The following TLK2 variants were observed in gnomAD, a reference collection of about 807,000 sequenced individuals.
TLK2 encodes the protein tousled like kinase 2.
Under a neutral mutation model 117.3 loss-of-function variants are expected in TLK2, and 6 were observed. The observed-to-expected ratio is 0.05, with a 90% CI of 0.03 to 0.10. TLK2 has a LOEUF of 0.10. Among genes scored for constraint, TLK2 ranks in the 10% least tolerant of loss-of-function variants. The pLI is 1.00. For synonymous variants in TLK2, 257 were observed against 316.7 expected (o/e 0.81, Z 2.00); for missense variants, 299 against 901.2 (o/e 0.33, Z 8.56).
chr17:62,483,337 T>G (rs1400193882), intron 2 of TLK2, among the ~76,000 whole-genome samples: 2 of 152,178 alleles, frequency 1.3e-5, no homozygotes, highest in Non-Finnish European at 2.9e-5. Flanking sequence ...AGGGCATAAG[T>G]GATAAGAATG....
chr17:62,594,919 G>A (rs978976367), intron 16 of TLK2, among the ~76,000 whole-genome samples: 14 of 152,176 alleles, frequency 9.2e-5, no homozygotes, highest in African/African-American at 2.9e-4. Context: ...CACACAGATA[G>A]GGGAAGAACA....
At chr17:62,517,198 C>T (rs538824716) in intron 2 of TLK2, among the ~76,000 whole-genome samples, 1 of 152,098 alleles carries the variant, frequency 6.6e-6, no homozygotes, top group Non-Finnish European at 1.5e-5. Flanking sequence ...AGCCACCATG[C>T]CAGCCTCCAG....
At chr17:62,506,341 G>T (rs1287743498) in intron 2 of TLK2, among the ~76,000 whole-genome samples, 1 of 152,094 alleles carries the variant, frequency 6.6e-6, no homozygotes, top group African/African-American at 2.4e-5. Context: ...TAACTTCTGG[G>T]CCTTGAAGGA....
rs10680028 is a variant in TLK2 at position 62,607,012 on chromosome 17, C to CTTTTTTTT, written c.1971+782_1971+789dup. ...CCTTCCTCTTTAGCTTCTCCTTGGT[C>CTTTTTTTT]TTTTTTTTTTTTTTTTTTCTATCTC... On this transcript the variant is annotated intron_variant, in intron 20 of 21. Transcript: ENST00000346027. Among the ~76,000 whole-genome samples, 18 of 123,544 alleles carry CTTTTTTTT rather than the reference C, an allele frequency of 1.5e-4. 2 individuals are homozygous for CTTTTTTTT. Among genetic ancestry groups the CTTTTTTTT allele is most frequent in the Non-Finnish European group, 1.3e-4 (8 of 61,130 alleles). The allele number at this position is 123,544 out of a possible 152,430, so 81.0% of individuals were successfully genotyped here. A position where few individuals can be genotyped will look rare whatever the true frequency, so the allele number is the denominator to read the frequency against.
rs1326102517 is a variant in TLK2 at position 62,615,340 on chromosome 17, C to G, written c.*2775C>G. On this transcript the variant is annotated 3_prime_UTR_variant, in exon 22 of 22. Coordinates refer to ENST00000346027, the MANE Select transcript of TLK2 (RefSeq NM_006852.6). ...GGGTTTCACTTTTTCCAAGAATAGT[C>G]CCTTGTTGCCACAATGTTGATTTAC... The G allele has an allele frequency of 6.6e-6, 1 of 152,178 alleles. No individual in the cohort carries two copies. Among genetic ancestry groups the G allele is most frequent in the African/African-American group, 2.4e-5 (1 of 41,436 alleles). 9.4% of individuals were successfully genotyped at this position (152,178 alleles called of 1,614,324 possible).
intron 2 of TLK2, among the ~76,000 whole-genome samples, chr17:62,485,072 T>C (rs1294681544): frequency 6.6e-6 from 1 of 152,156 alleles, no homozygotes; most frequent in Admixed American, 6.6e-5. Context: ...ACTGTGTTGA[T>C]GACAGCTTTG....
intron 6 of TLK2, among the ~76,000 whole-genome samples, chr17:62,529,072 GTATTTT>G (rs1282990450): frequency 6.6e-6 from 1 of 152,066 alleles, no homozygotes; most frequent in Non-Finnish European, 1.5e-5. Flanking sequence ...TAAATCTTAG[GTATTTT>G]TATTTTTGGC....
chr17:62,540,870 C>G (rs1445628928), intron 7 of TLK2, among the ~76,000 whole-genome samples: 1 of 152,162 alleles, frequency 6.6e-6, no homozygotes, highest in Non-Finnish European at 1.5e-5. Flanking sequence ...ATGCCACTCC[C>G]CTGTCGAAAA....
At chr17:62,492,457 G>T (rs2073199468) in intron 2 of TLK2, among the ~76,000 whole-genome samples, 1 of 144,782 alleles carries the variant, frequency 6.9e-6, no homozygotes, top group Admixed American at 7.0e-5. Flanking sequence ...TTATTAAACT[G>T]TTTTTTTTTT....
upstream of TLK2, among the ~76,000 whole-genome samples, chr17:62,474,524 C>T (rs1004671052): frequency 2.0e-5 from 3 of 152,032 alleles, no homozygotes; most frequent in Non-Finnish European, 4.4e-5. Flanking sequence ...ATTCTCCTGC[C>T]TCAGCCTCCC....
intron 12 of TLK2, chr17:62,574,517 G>GT: frequency 1.6e-6 from 1 of 634,414 alleles, no homozygotes; most frequent in Non-Finnish European, 2.6e-6. Flanking sequence ...AAATTTTGTT[G>GT]TTGTTGTTTT....
intron 6 of TLK2, among the ~76,000 whole-genome samples, chr17:62,528,157 T>C (rs2076505647): frequency 6.6e-6 from 1 of 152,202 alleles, no homozygotes; most frequent in African/African-American, 2.4e-5. Context: ...TAAGCAATAA[T>C]GTCTTATTTC....
chr17:62,568,965 G>A (rs1187125742), intron 11 of TLK2, among the ~76,000 whole-genome samples: 1 of 152,026 alleles, frequency 6.6e-6, no homozygotes, highest in Non-Finnish European at 1.5e-5. Flanking sequence ...CCATTTCACA[G>A]CTCCCAGTTT....
chr17:62,486,112 AC>A (rs1003556626), intron 2 of TLK2, among the ~76,000 whole-genome samples: 17 of 151,240 alleles, frequency 1.1e-4, no homozygotes, highest in African/African-American at 4.1e-4. Flanking sequence ...GGGCCACTGC[AC>A]CCGGCTGCTA....
chr17:62,524,539 C>T (rs1301509423), intron 6 of TLK2, among the ~76,000 whole-genome samples: 1 of 152,186 alleles, frequency 6.6e-6, no homozygotes, highest in East Asian at 1.9e-4. Context: ...CCTAATATCT[C>T]TATATAATAA....
chr17:62,587,771 T>C (rs1261400800), intron 16 of TLK2, among the ~76,000 whole-genome samples: 1 of 152,088 alleles, frequency 6.6e-6, no homozygotes, highest in Non-Finnish European at 1.5e-5. Context: ...TATGTAGGGA[T>C]GAGTGGCACA....
At position 62,602,144 on chromosome 17, in the gene TLK2, G is replaced by A; in HGVS notation, c.1823G>A (p.Gly608Asp). Residue 608 changes from glycine (G) to aspartate (D), a missense_variant, in exon 19 of 22, where the codon GGC becomes GAC. By Grantham distance (94) the Gly-to-Asp change is moderately conservative (BLOSUM62 -1). This residue lies in a region of TLK2 where 81 missense variants were observed against 370.9 expected (regional missense o/e 0.22). Transcript: ENST00000346027. Reference protein sequence around the residue: ...MDDDSYNSVDGMELTSQGAGT... With the variant: ...MDDDSYNSVDDMELTSQGAGT... The stretch of plus-strand genomic sequence containing the variant: ...GATGATAGCTACAATTCAGTGGATG[G>A]CATGGAGCTAACATCACAAGGTGCT... 6.2e-7 allele frequency: 1 copy of A among 1,613,794 alleles called. No individual in the cohort carries two copies. Among genetic ancestry groups the A allele is most frequent in the Admixed American group, 1.7e-5 (1 of 60,014 alleles).
chr17:62,477,826 G>A (rs1186741043), upstream of TLK2: 1 of 152,314 alleles, frequency 6.6e-6, no homozygotes, highest in Non-Finnish European at 1.5e-5. Context: ...CCGCTAGATA[G>A]TTCTCATTCC....
chr17:62,612,289 T>G, intron 21 of TLK2, 103 bp from the exon 22 acceptor site: 2 of 1,292,528 alleles, frequency 1.5e-6, no homozygotes, highest in Non-Finnish European at 2.1e-6. Flanking sequence ...TTCTCTTTAG[T>G]TGATATTTGC....
Sources: allele counts gnomAD v4.1 joint callset (sites outside exome capture counted in the v4.1 genomes callset), GRCh38; gene constraint gnomAD v4.1.1; regional missense constraint gnomAD v4.1.1; transcripts MANE v1.5; gene names NCBI Gene and HGNC (gene_info 2026-07-23, HGNC 2026-07-21).